ANKRD28: variants seen among roughly 807,000 people sequenced by gnomAD.
ANKRD28 encodes ankyrin repeat domain 28.
Under a neutral mutation model 126.5 loss-of-function variants are expected in ANKRD28, and 44 were observed. That is an observed-to-expected ratio of 0.35 (90% CI 0.27 to 0.45). ANKRD28 has a LOEUF of 0.45. Ranked by LOEUF, ANKRD28 falls within the 20% of genes least tolerant of loss-of-function variation. The pLI, the probability that ANKRD28 is intolerant of heterozygous loss-of-function variation, is 1.00. For synonymous variants in ANKRD28, 442 were observed against 468.5 expected, an observed-to-expected ratio of 0.94 and a Z score of 0.73; for missense variants, 1,110 against 1,316.6, an observed-to-expected ratio of 0.84 and a Z score of 2.43.
chr3:15,715,910 G>A (rs1375105726), intron 8 of ANKRD28, among the ~76,000 whole-genome samples: 2 of 151,758 alleles, frequency 1.3e-5, no homozygotes, highest in African/African-American at 4.8e-5. Context: ...CTTGGCAAAA[G>A]GATTCTGTCT....
At chr3:15,738,846 T>TCCA (rs2075230946) in intron 4 of ANKRD28, 1 of 152,236 alleles carries the variant, frequency 6.6e-6, no homozygotes, top group East Asian at 1.9e-4. Context: ...AGACTGGGGC[T>TCCA]TATTTCATCC....
rs1039598695 is a variant in ANKRD28, at chr3:15,816,090, G to A, written c.28-20784C>T. Among the ~76,000 whole-genome samples, 6 of 152,070 alleles carry A rather than the reference G, an allele frequency of 3.9e-5. No homozygotes were observed. Among genetic ancestry groups the A allele is most frequent in the Admixed American group, 6.5e-5 (1 of 15,268 alleles). Reference sequence around the variant, plus strand: ...GCGTATTTCTGACTGATTGAAAACCGCCTTCTGTTACTATGGCATTTACCA... The same window carrying A: ...GCGTATTTCTGACTGATTGAAAACCACCTTCTGTTACTATGGCATTTACCA... On this transcript the variant is annotated intron_variant, in intron 1 of 27. Transcript: ENST00000399451. This position sits in a 1 kb window ranked among gnomAD's most constrained non-coding sequence, Gnocchi z 5.0.
rs936648354 is a variant in ANKRD28, at chr3:15,843,776, A to T, written c.27+15601T>A. 9.7e-4 allele frequency among the ~76,000 whole-genome samples: 42 copies of T among 43,388 alleles called. No individual in the cohort carries two copies. The highest frequency in any genetic ancestry group is 1.6e-3 in the African/African-American group (37 of 23,144). The allele number at this position is 43,388 out of a possible 152,430, so 28.5% of individuals were successfully genotyped here. A position where few individuals can be genotyped will look rare whatever the true frequency, so the allele number is the denominator to read the frequency against. On this transcript the variant is annotated intron_variant, in intron 1 of 27. Transcript: ENST00000399451. This position sits in a 1 kb window ranked among gnomAD's most constrained non-coding sequence, Gnocchi z 5.2. ...GCCAGTTTGAGCCAAAAATAATAAA[A>T]AAAAAAAAGAGGCAGAAATCAAAAT...
chr3:15,819,463 T>C (rs2060898497), intron 1 of ANKRD28, among the ~76,000 whole-genome samples: 1 of 152,046 alleles, frequency 6.6e-6, no homozygotes, highest in Admixed American at 6.5e-5. Flanking sequence ...CTGAAACAAC[T>C]GGATAATTCA....
At chr3:15,837,961 G>A (rs768864360) in intron 1 of ANKRD28, among the ~76,000 whole-genome samples, 3 of 147,656 alleles carry the variant, frequency 2.0e-5, no homozygotes, top group East Asian at 2.0e-4. Flanking sequence ...TATCGCTACC[G>A]AACTCAGAGG....
At chr3:15,799,848 C>T (rs1328340629), upstream of ANKRD28, among the ~76,000 whole-genome samples, 1 of 152,022 alleles carries the variant, frequency 6.6e-6, no homozygotes, top group East Asian at 1.9e-4. Flanking sequence ...TGTCTCCTTC[C>T]ACTTTCTTCC....
intron 1 of ANKRD28, among the ~76,000 whole-genome samples, chr3:15,818,745 A>G (rs2125905313): frequency 6.6e-6 from 1 of 152,320 alleles, no homozygotes; most frequent in Non-Finnish European, 1.5e-5. Context: ...ATAGAAACCA[A>G]AACAGTGGAT....
chr3:15,760,539 A>G (rs2058403465), intron 3 of ANKRD28, among the ~76,000 whole-genome samples: 1 of 152,194 alleles, frequency 6.6e-6, no homozygotes, highest in Non-Finnish European at 1.5e-5. Context: ...ATAAAAATAT[A>G]CAGAGTAGAG....
In ANKRD28 at chr3:15,814,149, G is replaced by T; in HGVS notation, c.28-18843C>A. ...TACTCACATACAGTTATGTATGAAA[G>T]CTAAGTTACAAGGAGGCTTAAACAG... On this transcript the variant is annotated intron_variant, in intron 1 of 27. Coordinates refer to the ANKRD28 transcript ENST00000399451. This position sits in a 1 kb window ranked among gnomAD's most constrained non-coding sequence, Gnocchi z 4.7. 3.4e-6 allele frequency: 2 copies of T among 590,774 alleles called. No individual in the cohort carries two copies. Among genetic ancestry groups the T allele is most frequent in the Non-Finnish European group, 4.6e-6 (2 of 433,990 alleles). 36.6% of individuals were successfully genotyped at this position (590,774 alleles called of 1,614,324 possible). A position where few individuals can be genotyped will look rare whatever the true frequency, so the allele number is the denominator to read the frequency against.
chr3:15,737,779 G>C (rs1160390091), intron 4 of ANKRD28, among the ~76,000 whole-genome samples: 1 of 151,624 alleles, frequency 6.6e-6, no homozygotes, highest in Non-Finnish European at 1.5e-5. Context: ...CTGGCTCTTT[G>C]AACAATTTTA....
In ANKRD28 at chr3:15,737,089, A is replaced by C. The variant is rs1377316755; in HGVS notation, c.496T>G (p.Ser166Ala). The C allele has an allele frequency of 2.5e-6, 4 of 1,613,846 alleles. No homozygotes were observed. The African/African-American group carries it at 5.3e-5, about 22-fold the overall frequency. ...LVPLLSNVNV[S>A]DRAGRTALHH... ...AATGCAGTCCTCCCTGCTCGATCAG[A>C]TACGTTTACATTACTCAGAAGAGGT... Residue 166 changes from serine (S) to alanine (A), a missense_variant, in exon 5 of 28, where the codon TCT becomes GCT. Transcript: ENST00000683139.
chr3:15,743,593 C>CACACAT (rs71064221), intron 4 of ANKRD28, among the ~76,000 whole-genome samples: 6 of 141,752 alleles, frequency 4.2e-5, no homozygotes, highest in Non-Finnish European at 9.3e-5. Context: ...CACACACACA[C>CACACAT]GCACACCAAA....
intron 3 of ANKRD28, among the ~76,000 whole-genome samples, chr3:15,754,586 A>T (rs2058057436): frequency 6.6e-6 from 1 of 152,230 alleles, no homozygotes; most frequent in Admixed American, 6.5e-5. Flanking sequence ...TGTGCATAGT[A>T]TATAGGGTTC....
In ANKRD28 at chr3:15,670,304, T is replaced by G. The variant is rs1282392573; in HGVS notation, c.3218A>C (p.Asp1073Ala). Residue 1073 changes from aspartate to alanine, a missense_variant, in exon 28 of 28, where the codon GAT (aspartate) becomes GCT (alanine). Physicochemically the swap from Asp to Ala is moderately radical, Grantham distance 126. Coordinates refer to ENST00000683139, the MANE Select transcript of ANKRD28 (RefSeq NM_001349278.2). ...CTCAGAATCGGAGTCGTTGAGCTCA[T>G]CCACGTCAGTGTATAAGTACTCCTG... ...GEQEYLYTDV[D>A]ELNDSDSETY 6.2e-7 allele frequency: 1 copy of G among 1,613,208 alleles called. No individual in the cohort carries two copies. The highest frequency in any genetic ancestry group is 8.5e-7 in the Non-Finnish European group (1 of 1,179,358).
At chr3:15,831,264 A>G (rs1448930007) in intron 1 of ANKRD28, among the ~76,000 whole-genome samples, 1 of 152,152 alleles carries the variant, frequency 6.6e-6, no homozygotes, top group African/African-American at 2.4e-5. Context: ...ACAAAAGCCA[A>G]TCCCCACCTA....
rs375743278 is a variant in ANKRD28 at position 15,809,883 on chromosome 3, T to C, written c.28-14577A>G. 3.3e-5 allele frequency among the ~76,000 whole-genome samples: 5 copies of C among 152,336 alleles called. No homozygotes were observed. In the East Asian group the frequency reaches 9.6e-4, roughly 29 times the overall value. ...CCTTTAAGTTTCACATATATCAATG[T>C]GCTTGTTGCAATTCAAGTATACCAT... On this transcript the variant is annotated intron_variant, in intron 1 of 27. Coordinates refer to the ANKRD28 transcript ENST00000399451.
intron 1 of ANKRD28, among the ~76,000 whole-genome samples, chr3:15,856,461 A>G (rs2061769181): frequency 6.6e-6 from 1 of 152,216 alleles, no homozygotes; most frequent in South Asian, 2.1e-4. Context: ...TTAACATACC[A>G]ACTGCAAGAA....
At chr3:15,808,797 A>G (rs978099001) in intron 1 of ANKRD28, among the ~76,000 whole-genome samples, 1 of 152,110 alleles carries the variant, frequency 6.6e-6, no homozygotes, top group Non-Finnish European at 1.5e-5. Flanking sequence ...ACCCACTGCA[A>G]TCTAGCTTTC....
At chr3:15,747,283 C>T (rs1219522243) in intron 4 of ANKRD28, among the ~76,000 whole-genome samples, 2 of 151,618 alleles carry the variant, frequency 1.3e-5, no homozygotes, top group African/African-American at 2.4e-5. Context: ...GAGGTATGGC[C>T]TTAGATTGTC....
Sources: gnomAD v4.1 joint callset for allele counts (sites outside exome capture counted in the v4.1 genomes callset) on GRCh38, gnomAD v4.1.1 for gene constraint, Gnocchi (gnomAD v3.1) non-coding constraint, MANE v1.5 for transcripts, NCBI Gene and HGNC (gene_info 2026-07-23, HGNC 2026-07-21) for gene names.